The following CPXM2 variants were observed in gnomAD, a reference collection of about 807,000 sequenced individuals.
CPXM2 encodes carboxypeptidase X, M14 family member 2.
Under a neutral mutation model 86.1 loss-of-function variants are expected in CPXM2, and 66 were observed. The ratio of observed to expected loss-of-function variants is 0.77; its 90% CI spans 0.63 to 0.94. The LOEUF is 0.94. Ranked by LOEUF, CPXM2 falls within the 40% of genes least tolerant of loss-of-function variation. The pLI is 0.00. For missense variants in CPXM2, 948 were observed against 1,026.3 expected (o/e 0.92, Z 1.04); for synonymous variants, 388 against 400.2 (o/e 0.97, Z 0.36).
In CPXM2 at chr10:123,762,929, T is replaced by C. The variant is rs369572243; in HGVS notation, c.1480-760A>G. 2.2e-4 allele frequency among the ~76,000 whole-genome samples: 33 copies of C among 152,324 alleles called. No individual in the cohort carries two copies. In the East Asian group the frequency reaches 6.0e-3, roughly 28 times the overall value. On this transcript the variant is annotated intron_variant, in intron 10 of 13. Transcript: ENST00000241305. The stretch of plus-strand genomic sequence containing the variant: ...GTAAGGGATGAAATGGACTTGGGAT[T>C]CATTAAGTGTTGCTGTTTCTGTTTA...
chr10:123,883,949 G>A (rs373364329), intron 1 of CPXM2, among the ~76,000 whole-genome samples: 3 of 152,296 alleles, frequency 2.0e-5, no homozygotes, highest in East Asian at 1.9e-4. Flanking sequence ...TGACAAAACC[G>A]AATCCCTTAA....
At position 123,777,960 on chromosome 10, in the gene CPXM2, G is replaced by A. The variant is rs113565680; in HGVS notation, c.978+2207C>T. The stretch of plus-strand genomic sequence containing the variant: ...TAAGCAAGTATAAATTGCAACACAC[G>A]CTATGAAGGTCCTCAGTATTTTCTT... On this transcript the variant is annotated intron_variant, in intron 7 of 13. Transcript: ENST00000241305. Among the ~76,000 whole-genome samples, 16 of 152,216 alleles carry A rather than the reference G, an allele frequency of 1.1e-4. 1 individual carries two copies. Among genetic ancestry groups the A allele is most frequent in the African/African-American group, 3.1e-4 (13 of 41,528 alleles).
intron 4 of CPXM2, among the ~76,000 whole-genome samples, chr10:123,801,489 C>T (rs1847457344): frequency 6.6e-6 from 1 of 152,108 alleles, no homozygotes; most frequent in Non-Finnish European, 1.5e-5. Flanking sequence ...TCAATTTTAA[C>T]TCCCGCATTT....
At chr10:123,831,522 A>C (rs1848166004) in intron 4 of CPXM2, among the ~76,000 whole-genome samples, 1 of 152,156 alleles carries the variant, frequency 6.6e-6, no homozygotes, top group Admixed American at 6.5e-5. Flanking sequence ...TTGCTGACAC[A>C]AACTTAGTGG....
intron 2 of CPXM2, among the ~76,000 whole-genome samples, chr10:123,933,263 G>T (rs1945683376): frequency 6.6e-6 from 1 of 152,156 alleles, no homozygotes. Flanking sequence ...AAACTTCCCA[G>T]CCCTGTCTTC....
At chr10:123,782,717 G>T (rs531248518) in intron 6 of CPXM2, among the ~76,000 whole-genome samples, 1 of 152,304 alleles carries the variant, frequency 6.6e-6, no homozygotes, top group South Asian at 2.1e-4. Context: ...CTGTGGACAA[G>T]AGAAGCCCTT....
At chr10:123,886,136 C>T (rs1006143595) in intron 1 of CPXM2, among the ~76,000 whole-genome samples, 6 of 152,180 alleles carry the variant, frequency 3.9e-5, no homozygotes, top group Non-Finnish European at 8.8e-5. Context: ...GGGAGTTTAC[C>T]TGGACAAAAC....
intron 2 of CPXM2, among the ~76,000 whole-genome samples, chr10:123,871,246 G>A (rs1446834736): frequency 2.6e-5 from 4 of 152,310 alleles, no homozygotes; most frequent in Non-Finnish European, 5.9e-5. Context: ...TACCATGGTA[G>A]TTTAGTCTGT....
chr10:123,931,383 T>C (rs935621138), intron 2 of CPXM2: 3 of 152,230 alleles, frequency 2.0e-5, no homozygotes, highest in Non-Finnish European at 4.4e-5. Flanking sequence ...AGCTTCATGT[T>C]TGGAACTCTT....
intron 11 of CPXM2, among the ~76,000 whole-genome samples, chr10:123,761,446 TCCAGCG>T (rs1329198920): frequency 6.6e-6 from 1 of 152,208 alleles, no homozygotes; most frequent in Non-Finnish European, 1.5e-5. Flanking sequence ...AAACCTGGGC[TCCAGCG>T]CCAGCACCAG....
chr10:123,928,149 T>C (rs1294467281), intron 2 of CPXM2, among the ~76,000 whole-genome samples: 1 of 152,184 alleles, frequency 6.6e-6, no homozygotes, highest in African/African-American at 2.4e-5. Flanking sequence ...AGATTCATGC[T>C]TGGAAACTGG....
chr10:123,791,919 C>T (rs1471403583), intron 6 of CPXM2, among the ~76,000 whole-genome samples: 1 of 152,198 alleles, frequency 6.6e-6, no homozygotes, highest in Non-Finnish European at 1.5e-5. Flanking sequence ...GTACAGTGAG[C>T]AGTGGGCTTC....
chr10:123,765,305 T>C (rs80199766), intron 10 of CPXM2, among the ~76,000 whole-genome samples: 133 of 152,342 alleles, frequency 8.7e-4, no homozygotes, highest in African/African-American at 3.1e-3. Flanking sequence ...CTATCCACAA[T>C]TGAGAAAAGT....
At chr10:123,914,887 C>G (rs1945522530) in intron 2 of CPXM2, among the ~76,000 whole-genome samples, 1 of 152,208 alleles carries the variant, frequency 6.6e-6, no homozygotes, top group Non-Finnish European at 1.5e-5. Flanking sequence ...CATATTCCCT[C>G]TTGCCTCCTG....
chr10:123,748,372 G>A (rs932424626), intron 13 of CPXM2, among the ~76,000 whole-genome samples: 1 of 152,174 alleles, frequency 6.6e-6, no homozygotes, highest in Non-Finnish European at 1.5e-5. Flanking sequence ...ACGGATGGAA[G>A]AAAACTATGT....
chr10:123,813,307 G>A (rs765265495), intron 4 of CPXM2, among the ~76,000 whole-genome samples: 35 of 152,320 alleles, frequency 2.3e-4, no homozygotes, highest in Non-Finnish European at 8.8e-5. Flanking sequence ...AAGAAGCCAA[G>A]TTCATCATCA....
At chr10:123,749,289 G>A (rs1180780733) in intron 13 of CPXM2, among the ~76,000 whole-genome samples, 1 of 152,122 alleles carries the variant, frequency 6.6e-6, no homozygotes, top group Non-Finnish European at 1.5e-5. Flanking sequence ...TCAGGGAGGG[G>A]GCAGCCCAGG....
At chr10:123,938,851 G>C (rs564590868) in intron 2 of CPXM2, among the ~76,000 whole-genome samples, 1 of 152,274 alleles carries the variant, frequency 6.6e-6, no homozygotes, top group Admixed American at 6.5e-5. Flanking sequence ...GGAAATGCAG[G>C]TGGGACCCAG....
intron 7 of CPXM2, among the ~76,000 whole-genome samples, chr10:123,775,131 T>A (rs1320238732): frequency 1.3e-5 from 2 of 152,188 alleles, no homozygotes; most frequent in African/African-American, 4.8e-5. Context: ...GCTCTTCCCT[T>A]ACCCCTATCT....
Sources: gnomAD v4.1 joint callset for allele counts (sites outside exome capture counted in the v4.1 genomes callset) on GRCh38, gnomAD v4.1.1 for gene constraint, MANE v1.5 for transcripts, NCBI Gene and HGNC (gene_info 2026-07-23, HGNC 2026-07-21) for gene names.